GRIK2: variants seen among roughly 807,000 people sequenced by gnomAD.
GRIK2 encodes the protein glutamate receptor ionotropic, kainate 2.
A neutral mutation model predicts 100.3 loss-of-function variants in GRIK2; 32 were observed. That is an observed-to-expected ratio of 0.32 (90% CI 0.24 to 0.43). The LOEUF is 0.43. Among genes scored for constraint, GRIK2 ranks in the 20% least tolerant of loss-of-function variants. GRIK2 has a pLI of 1.00. For synonymous variants in GRIK2, 417 were observed against 389.4 expected, an observed-to-expected ratio of 1.07 and a Z score of -0.83; for missense variants, 843 against 1,114.9, an observed-to-expected ratio of 0.76 and a Z score of 3.47.
At chr6:101,906,366 C>CTCTCTGTGTGTGTGTG (rs1554283801) in intron 12 of GRIK2, among the ~76,000 whole-genome samples, 9 of 145,836 alleles carry the variant, frequency 6.2e-5, no homozygotes, top group Admixed American at 1.4e-4. Flanking sequence ...AAAACAAGAT[C>CTCTCTGTGTGTGTGTG]TGTGTGTGTG....
At chr6:101,879,965 A>G (rs1229034306) in intron 11 of GRIK2, among the ~76,000 whole-genome samples, 1 of 152,034 alleles carries the variant, frequency 6.6e-6, no homozygotes, top group Non-Finnish European at 1.5e-5. Flanking sequence ...TAGCCTAAAA[A>G]TAAAACTGCT....
chr6:101,489,919 G>C (rs1422742023), intron 2 of GRIK2, among the ~76,000 whole-genome samples: 2 of 146,658 alleles, frequency 1.4e-5, no homozygotes, highest in Admixed American at 6.8e-5. Flanking sequence ...TGAAAGAGAA[G>C]CATCCAGGTC....
intron 14 of GRIK2, among the ~76,000 whole-genome samples, chr6:101,934,337 C>T (rs946413607): frequency 4.0e-5 from 6 of 151,846 alleles, no homozygotes; most frequent in Admixed American, 6.6e-5. Context: ...AAACATTTGC[C>T]TTACAGCATT....
chr6:101,800,168 G>C (rs933353885), intron 8 of GRIK2, among the ~76,000 whole-genome samples: 1 of 151,880 alleles, frequency 6.6e-6, no homozygotes, highest in Non-Finnish European at 1.5e-5. Flanking sequence ...TTCAAGTATA[G>C]TTATTCAGAT....
intron 2 of GRIK2, among the ~76,000 whole-genome samples, chr6:101,533,092 C>T (rs1363218225): frequency 6.6e-6 from 1 of 151,868 alleles, no homozygotes; most frequent in Non-Finnish European, 1.5e-5. Flanking sequence ...AGGTTCTATT[C>T]ATCCTTAGCT....
At chr6:101,879,757 A>C (rs1786118183) in intron 11 of GRIK2, among the ~76,000 whole-genome samples, 1 of 151,680 alleles carries the variant, frequency 6.6e-6, no homozygotes, top group Non-Finnish European at 1.5e-5. Context: ...AAGTAGCCCC[A>C]GAACTCCAGA....
At chr6:101,998,921 C>A (rs1389711034) in intron 14 of GRIK2, among the ~76,000 whole-genome samples, 1 of 140,800 alleles carries the variant, frequency 7.1e-6, no homozygotes, top group Non-Finnish European at 1.5e-5. Flanking sequence ...TGAAGCGATT[C>A]TCCTGCCTCA....
rs1794160429 is a variant in GRIK2, at chr6:101,988,218, G to C, written c.2086-47123G>C. Among the ~76,000 whole-genome samples, 4 of 150,744 alleles carry C rather than the reference G, an allele frequency of 2.7e-5. No individual in the cohort carries two copies. The Admixed American group carries it at 2.7e-4, about 10-fold the overall frequency. On this transcript the variant is annotated intron_variant, in intron 14 of 16. Coordinates refer to ENST00000369134, the MANE Select transcript of GRIK2 (RefSeq NM_021956.5). The stretch of plus-strand genomic sequence containing the variant: ...AGATATATGTGTGTTTATGTTTTGT[G>C]AGTGACTACTAAAAATTAATCATTA...
In GRIK2 at chr6:102,006,388, A is replaced by T. The variant is rs9485581; in HGVS notation, c.2086-28953A>T. On this transcript the variant is annotated intron_variant, in intron 14 of 16. Coordinates refer to ENST00000369134, the MANE Select transcript of GRIK2 (RefSeq NM_021956.5). Reference sequence around the variant, plus strand: ...ACCTTTTATATATATATATATATATATATTTTTTTTTTTTTTGAGACATAC... The same window carrying T: ...ACCTTTTATATATATATATATATATTTATTTTTTTTTTTTTTGAGACATAC... Among the ~76,000 whole-genome samples, 882 of 111,852 alleles carry T rather than the reference A, an allele frequency of 7.9e-3. 5 individuals are homozygous for T. The highest frequency in any genetic ancestry group is 0.02 in the African/African-American group (374 of 18,762). The allele number at this position is 111,852 out of a possible 152,430, so 73.4% of individuals were successfully genotyped here.
intron 10 of GRIK2, among the ~76,000 whole-genome samples, chr6:101,850,300 C>T (rs1784060616): frequency 6.6e-6 from 1 of 151,924 alleles, no homozygotes; most frequent in South Asian, 2.1e-4. Context: ...GTGTTGTATA[C>T]CTAGCACCTG....
intron 15 of GRIK2, among the ~76,000 whole-genome samples, chr6:102,041,638 C>T (rs574124511): frequency 6.6e-6 from 1 of 151,634 alleles, no homozygotes; most frequent in East Asian, 2.0e-4. Flanking sequence ...GTCCCTATTA[C>T]ACTTAGTGTC....
At chr6:101,832,157 G>T (rs1193363282) in intron 10 of GRIK2, among the ~76,000 whole-genome samples, 1 of 151,804 alleles carries the variant, frequency 6.6e-6, no homozygotes, top group South Asian at 2.1e-4. Flanking sequence ...CTTTACTTCT[G>T]CATTTCTTTT....
chr6:101,408,501 G>C (rs767180676), intron 2 of GRIK2, among the ~76,000 whole-genome samples: 10 of 152,082 alleles, frequency 6.6e-5, no homozygotes, highest in Non-Finnish European at 1.5e-4. Context: ...TAGAGACCCA[G>C]TGGTATAATT....
chr6:101,994,768 A>T (rs1262374674), intron 14 of GRIK2, among the ~76,000 whole-genome samples: 1 of 151,896 alleles, frequency 6.6e-6, no homozygotes, highest in Non-Finnish European at 1.5e-5. Context: ...CTTAATACAT[A>T]GCATCTTGAA....
intron 15 of GRIK2, among the ~76,000 whole-genome samples, chr6:102,036,407 G>A (rs190049800): frequency 6.6e-6 from 1 of 151,432 alleles, no homozygotes; most frequent in Admixed American, 6.6e-5. Context: ...CTTTGAATAT[G>A]TATCATAGCA....
intron 16 of GRIK2, among the ~76,000 whole-genome samples, chr6:102,067,237 ATATT>A (rs1772063369): frequency 6.6e-6 from 1 of 151,682 alleles, no homozygotes; most frequent in Non-Finnish European, 1.5e-5. Context: ...ATTACCTCAC[ATATT>A]TATTATTTTT....
At position 101,857,801 on chromosome 6, in the gene GRIK2, A is replaced by G. The variant is rs73761448; in HGVS notation, c.1318-1486A>G. On this transcript the variant is annotated intron_variant, in intron 10 of 16. Transcript: ENST00000369134. ...TCTTTTTGCACTTAGTTAAACATAC[A>G]AATTTCTCATAGGGCCTAATTTGCA... Among the ~76,000 whole-genome samples the G allele has an allele frequency of 3.4e-3, 518 of 152,282 alleles. 3 individuals carry two copies. The highest frequency in any genetic ancestry group is 0.012 in the African/African-American group (501 of 41,552).
intron 6 of GRIK2, among the ~76,000 whole-genome samples, chr6:101,684,113 C>T (rs1048825885): frequency 6.6e-6 from 1 of 152,190 alleles, no homozygotes; most frequent in African/African-American, 2.4e-5. Flanking sequence ...AATAGCAAAG[C>T]TGGCTCTGGC....
At chr6:101,975,028 T>G (rs1186437154) in intron 14 of GRIK2, among the ~76,000 whole-genome samples, 1 of 151,950 alleles carries the variant, frequency 6.6e-6, no homozygotes, top group Non-Finnish European at 1.5e-5. Context: ...ATGAAAAGAA[T>G]AGTGCTGATT....
Sources: gnomAD v4.1 joint callset for allele counts (sites outside exome capture counted in the v4.1 genomes callset) on GRCh38, gnomAD v4.1.1 for gene constraint, MANE v1.5 for transcripts, NCBI Gene and HGNC (gene_info 2026-07-23, HGNC 2026-07-21) for gene names.